SRGAP1: variants seen among roughly 807,000 people sequenced by gnomAD.
SRGAP1 encodes the protein SLIT-ROBO Rho GTPase-activating protein 1.
In SRGAP1, 43 loss-of-function variants were observed where a neutral mutation model predicts 121.9. That is an observed-to-expected ratio of 0.35 (90% CI 0.28 to 0.46). The LOEUF is 0.46. Among genes scored for constraint, SRGAP1 ranks in the 20% least tolerant of loss-of-function variants. The pLI is 1.00. For synonymous variants in SRGAP1, 447 were observed against 485.4 expected (o/e 0.92, Z 1.04); for missense variants, 1,102 against 1,350.9 (o/e 0.82, Z 2.89).
chr12:63,975,545 T>C (rs1242551469), intron 1 of SRGAP1, among the ~76,000 whole-genome samples: 2 of 152,242 alleles, frequency 1.3e-5, no homozygotes, highest in African/African-American at 4.8e-5. Flanking sequence ...AATTTTATGA[T>C]TGTAACATGA....
intron 16 of SRGAP1, among the ~76,000 whole-genome samples, chr12:64,109,974 T>C (rs1376623043): frequency 6.6e-6 from 1 of 152,144 alleles, no homozygotes; most frequent in Non-Finnish European, 1.5e-5. Context: ...AGAATGAGAC[T>C]CTACTGCTGA....
rs186643296 is a variant in SRGAP1 at position 64,062,797 on chromosome 12, A to G, written c.802-120A>G. ...ATCCAAGAAACCAGTGCCTAATCCA[A>G]TGTCATGAAAGCTTACCCCCATGTT... On this transcript the variant is annotated intron_variant, in intron 6 of 21. Coordinates refer to ENST00000355086, the MANE Select transcript of SRGAP1 (RefSeq NM_020762.4). 14 of 664,882 alleles carry G rather than the reference A, an allele frequency of 2.1e-5. 2 individuals carry two copies. Among genetic ancestry groups the G allele is most frequent in the Middle Eastern group, 8.3e-4 (2 of 2,424 alleles). 41.2% of individuals were successfully genotyped at this position (664,882 alleles called of 1,614,324 possible). A position where few individuals can be genotyped will look rare whatever the true frequency, so the allele number is the denominator to read the frequency against.
chr12:64,127,264 A>G (rs971547359), intron 19 of SRGAP1, among the ~76,000 whole-genome samples: 1 of 152,250 alleles, frequency 6.6e-6, no homozygotes, highest in African/African-American at 2.4e-5. Context: ...TATGTACACA[A>G]TCACAGATAT....
At chr12:63,894,235 G>C (rs1009353112) in intron 1 of SRGAP1, among the ~76,000 whole-genome samples, 1 of 151,998 alleles carries the variant, frequency 6.6e-6, no homozygotes, top group Non-Finnish European at 1.5e-5. Context: ...GTACTGTACA[G>C]ATTTTTAATG....
At chr12:64,125,737 T>C (rs940688450) in intron 18 of SRGAP1, among the ~76,000 whole-genome samples, 5 of 152,178 alleles carry the variant, frequency 3.3e-5, no homozygotes, top group African/African-American at 1.2e-4. Context: ...GCTGTGGAAA[T>C]GAAAATCCAG....
At chr12:64,080,200 G>A (rs909341692) in intron 9 of SRGAP1, 86 bp from the exon 10 acceptor site, 12 of 1,085,476 alleles carry the variant, frequency 1.1e-5, no homozygotes, top group East Asian at 2.7e-5. Context: ...CCAAGATCGC[G>A]CCACTGCACT....
chr12:64,152,962 C>T lies in SRGAP1; in HGVS notation c.*10290C>T, dbSNP rs1040886127. Reference sequence around the variant, plus strand: ...CCACTACATAAGCCAACAGCTAAACCGGCAAAATAATTTCAGGTGTTGATA... The same window carrying T: ...CCACTACATAAGCCAACAGCTAAACTGGCAAAATAATTTCAGGTGTTGATA... On this transcript the variant is annotated 3_prime_UTR_variant, in exon 22 of 22. Transcript: ENST00000355086. 3 of 145,540 alleles carry T rather than the reference C, an allele frequency of 2.1e-5. No individual in the cohort carries two copies. The highest frequency in any genetic ancestry group is 7.6e-5 in the African/African-American group (3 of 39,294). 9.0% of individuals were successfully genotyped at this position (145,540 alleles called of 1,614,324 possible).
rs532228361 is a variant in SRGAP1 at position 64,040,276 on chromosome 12, T to A, written c.490-2514T>A. On this transcript the variant is annotated intron_variant, in intron 4 of 21. Transcript: ENST00000355086. ...AGGTCTCAAACTATTTAAAAACTCA[T>A]CTCTTGAAATGAGAAAAATCAAATT... 7.2e-5 allele frequency among the ~76,000 whole-genome samples: 11 copies of A among 152,332 alleles called. No homozygotes were observed. The East Asian group carries it at 1.5e-3, about 21-fold the overall frequency.
At chr12:64,134,552 C>T (rs143001165) in intron 21 of SRGAP1, among the ~76,000 whole-genome samples, 4,918 of 152,226 alleles carry the variant, frequency 0.032, 283 homozygotes, top group African/African-American at 0.11. Flanking sequence ...CTCCCTAAGC[C>T]TTTGGATCCC....
rs1565701100 is a variant in SRGAP1, at chr12:64,144,255, G to GTTGTTGTTGTTGTTGTTGTTGT, written c.*1583_*1584insTTGTTGTTGTTGTTGTTGTTGT. Reference sequence around the variant, plus strand: ...ATTTTTGTTGTTGTTGTTGTTGTTGGGAGAAATGGATTTCCCACAACTAAT... The same window carrying GTTGTTGTTGTTGTTGTTGTTGT: ...ATTTTTGTTGTTGTTGTTGTTGTTGGTTGTTGTTGTTGTTGTTGTTGTGAGAAATGGATTTCCCACAACTAAT... On this transcript the variant is annotated 3_prime_UTR_variant, in exon 22 of 22. Transcript: ENST00000355086. 2 of 86,566 alleles carry GTTGTTGTTGTTGTTGTTGTTGT rather than the reference G, an allele frequency of 2.3e-5. No homozygotes were observed. The highest frequency in any genetic ancestry group is 2.4e-5 in the Non-Finnish European group (1 of 42,206). The allele number at this position is 86,566 out of a possible 1,614,324, so 5.4% of individuals were successfully genotyped here. A position where few individuals can be genotyped will look rare whatever the true frequency, so the allele number is the denominator to read the frequency against.
At chr12:64,044,674 CTTT>C (rs558248193) in intron 6 of SRGAP1, among the ~76,000 whole-genome samples, 743 of 72,094 alleles carry the variant, frequency 0.01, 23 homozygotes, top group African/African-American at 0.03. Flanking sequence ...TGATGTGCCT[CTTT>C]TTTTTTTTTT....
intron 2 of SRGAP1, among the ~76,000 whole-genome samples, chr12:63,986,965 G>A (rs2033435834): frequency 6.6e-6 from 1 of 152,158 alleles, no homozygotes; most frequent in African/African-American, 2.4e-5. Flanking sequence ...CTCTGAAAAG[G>A]ATAAAACAGG....
At chr12:64,130,720 A>G (rs1443288728) in intron 21 of SRGAP1, among the ~76,000 whole-genome samples, 3 of 152,232 alleles carry the variant, frequency 2.0e-5, no homozygotes, top group Non-Finnish European at 2.9e-5. Flanking sequence ...TTCTTTAGCC[A>G]TAAAGTAAGT....
At chr12:64,106,494 T>C (rs911589372) in intron 15 of SRGAP1, among the ~76,000 whole-genome samples, 3 of 152,222 alleles carry the variant, frequency 2.0e-5, no homozygotes, top group South Asian at 2.1e-4. Context: ...CATTAAATTC[T>C]CAATGACTTG....
At chr12:64,082,035 A>G (rs951448402) in intron 10 of SRGAP1, 3 of 38,948 alleles carry the variant, frequency 7.7e-5, no homozygotes, top group African/African-American at 3.8e-4. Context: ...ATTTTTCACA[A>G]ATGCCTGATA....
At chr12:63,851,640 T>A (rs2136254356) in intron 1 of SRGAP1, among the ~76,000 whole-genome samples, 1 of 150,754 alleles carries the variant, frequency 6.6e-6, no homozygotes, top group South Asian at 2.1e-4. Context: ...CAGGCTGGAG[T>A]GCAGTGGCGG....
At chr12:63,919,009 C>T (rs977731223) in intron 1 of SRGAP1, among the ~76,000 whole-genome samples, 1 of 151,334 alleles carries the variant, frequency 6.6e-6, no homozygotes, top group African/African-American at 2.4e-5. Flanking sequence ...TTAGTTATTT[C>T]GTATTTTGGT....
chr12:63,956,195 A>G (rs1443511552), intron 1 of SRGAP1, among the ~76,000 whole-genome samples: 1 of 152,116 alleles, frequency 6.6e-6, no homozygotes, highest in Non-Finnish European at 1.5e-5. Context: ...TGTGAAAAGT[A>G]CAAAATTACT....
At chr12:64,025,030 A>G (rs1477584399) in intron 4 of SRGAP1, among the ~76,000 whole-genome samples, 1 of 152,150 alleles carries the variant, frequency 6.6e-6, no homozygotes, top group African/African-American at 2.4e-5. Context: ...TCCTGGTACA[A>G]ACCCAGAGGT....
Sources: allele counts gnomAD v4.1 joint callset (sites outside exome capture counted in the v4.1 genomes callset), GRCh38; gene constraint gnomAD v4.1.1; transcripts MANE v1.5; gene names NCBI Gene and HGNC (gene_info 2026-07-23, HGNC 2026-07-21).